GNAQ: variants seen among roughly 807,000 people sequenced by gnomAD.
GNAQ encodes G protein subunit alpha q.
GNAQ carries 8 observed loss-of-function variants against 43.9 expected under a neutral mutation model. The ratio of observed to expected loss-of-function variants is 0.18; its 90% CI spans 0.11 to 0.33. GNAQ has a LOEUF of 0.33. Among genes scored for constraint, GNAQ ranks in the 10% least tolerant of loss-of-function variants. The pLI is 1.00. For synonymous variants in GNAQ, 155 were observed against 170.7 expected (o/e 0.91, Z 0.71); for missense variants, 158 against 450.8 (o/e 0.35, Z 5.88).
chr9:77,943,751 C>T (rs192713331), intron 1 of GNAQ, among the ~76,000 whole-genome samples: 25 of 149,958 alleles, frequency 1.7e-4, no homozygotes, highest in Admixed American at 7.3e-4. Flanking sequence ...GCAACCTCTG[C>T]CTCCTGGGTT....
intron 1 of GNAQ, among the ~76,000 whole-genome samples, chr9:77,987,564 G>A (rs932335814): frequency 6.6e-6 from 1 of 152,132 alleles, no homozygotes; most frequent in African/African-American, 2.4e-5. Flanking sequence ...CTTGATCACA[G>A]CCAGAGTTCT....
intron 4 of GNAQ, among the ~76,000 whole-genome samples, chr9:77,797,079 C>G (rs546120553): frequency 2.6e-5 from 4 of 152,108 alleles, no homozygotes; most frequent in Admixed American, 6.6e-5. Context: ...GTAACCCAGG[C>G]TGGAGTGCAG....
At chr9:77,831,328 TA>T (rs1480788741) in intron 2 of GNAQ, among the ~76,000 whole-genome samples, 20 of 152,188 alleles carry the variant, frequency 1.3e-4, no homozygotes, top group Admixed American at 1.3e-3. Context: ...TGCATGATTT[TA>T]AAAATTAGGA....
At chr9:77,751,459 A>T (rs543808260) in intron 5 of GNAQ, among the ~76,000 whole-genome samples, 2 of 152,226 alleles carry the variant, frequency 1.3e-5, no homozygotes, top group Non-Finnish European at 2.9e-5. Flanking sequence ...TTTTCACGTA[A>T]TAAATTCATA....
At chr9:78,024,769 G>A (rs891907213) in intron 1 of GNAQ, among the ~76,000 whole-genome samples, 1 of 152,052 alleles carries the variant, frequency 6.6e-6, no homozygotes, top group Non-Finnish European at 1.5e-5. Context: ...TTGGCACATA[G>A]TAGGTGCTCA....
intron 1 of GNAQ, among the ~76,000 whole-genome samples, chr9:77,934,619 T>C (rs1036265906): frequency 6.6e-6 from 1 of 152,170 alleles, no homozygotes; most frequent in African/African-American, 2.4e-5. Context: ...GGGCTAATAT[T>C]ATCCCAGTAA....
At chr9:77,934,529 C>A (rs749316582) in intron 1 of GNAQ, among the ~76,000 whole-genome samples, 1 of 151,918 alleles carries the variant, frequency 6.6e-6, no homozygotes, top group Non-Finnish European at 1.5e-5. Context: ...CCAAGTACTG[C>A]CCCAGTTAAG....
chr9:77,879,473 C>G (rs1828178006), intron 2 of GNAQ, among the ~76,000 whole-genome samples: 3 of 152,154 alleles, frequency 2.0e-5, no homozygotes, highest in African/African-American at 7.2e-5. Flanking sequence ...TGGCCTCAAA[C>G]TCCTGACCTC....
chr9:77,766,301 C>T (rs1028563092), intron 5 of GNAQ, among the ~76,000 whole-genome samples: 3 of 152,150 alleles, frequency 2.0e-5, no homozygotes, highest in South Asian at 2.1e-4. Flanking sequence ...TTTGTTTCAT[C>T]AACATTCTGT....
intron 1 of GNAQ, among the ~76,000 whole-genome samples, chr9:77,960,065 T>G (rs1823089029): frequency 6.6e-6 from 1 of 152,216 alleles, no homozygotes; most frequent in Non-Finnish European, 1.5e-5. Flanking sequence ...ATAATTCTCT[T>G]TAACCAAGAG....
At chr9:77,926,300 T>G (rs1249601006) in intron 1 of GNAQ, among the ~76,000 whole-genome samples, 1 of 152,090 alleles carries the variant, frequency 6.6e-6, no homozygotes, top group Non-Finnish European at 1.5e-5. Context: ...TATGAAAAAT[T>G]TTGGTATAAT....
At chr9:77,760,462 G>A (rs1401804650) in intron 5 of GNAQ, among the ~76,000 whole-genome samples, 1 of 152,064 alleles carries the variant, frequency 6.6e-6, no homozygotes, top group Non-Finnish European at 1.5e-5. Flanking sequence ...GCCAGCCTCG[G>A]CCTCTGGAGG....
chr9:77,774,637 A>AT (rs1052565759), intron 5 of GNAQ, among the ~76,000 whole-genome samples: 9 of 152,072 alleles, frequency 5.9e-5, no homozygotes, highest in Admixed American at 2.6e-4. Context: ...ATTTCTTTAT[A>AT]TTTTTTGTAG....
At chr9:77,792,893 G>T (rs1447800300) in intron 5 of GNAQ, among the ~76,000 whole-genome samples, 1 of 152,016 alleles carries the variant, frequency 6.6e-6, no homozygotes, top group Non-Finnish European at 1.5e-5. Context: ...TCCCCCTATG[G>T]CTTATTCTGA....
At chr9:77,870,898 T>C (rs900777468) in intron 2 of GNAQ, among the ~76,000 whole-genome samples, 1 of 152,130 alleles carries the variant, frequency 6.6e-6, no homozygotes, top group Non-Finnish European at 1.5e-5. Context: ...TCCATTCCTA[T>C]GGAATTTGAC....
At chr9:77,847,191 G>A (rs902322961) in intron 2 of GNAQ, among the ~76,000 whole-genome samples, 1 of 152,094 alleles carries the variant, frequency 6.6e-6, no homozygotes, top group African/African-American at 2.4e-5. Context: ...AACATCTCTC[G>A]CTCAGCCTTG....
intron 2 of GNAQ, among the ~76,000 whole-genome samples, chr9:77,918,474 T>G (rs968671519): frequency 6.8e-6 from 1 of 146,870 alleles, no homozygotes; most frequent in East Asian, 3.8e-4. Flanking sequence ...TATTTATAAA[T>G]TATAAAGTAT....
chr9:77,810,148 T>A (rs1279596728), intron 3 of GNAQ, among the ~76,000 whole-genome samples: 1 of 152,202 alleles, frequency 6.6e-6, no homozygotes, highest in Non-Finnish European at 1.5e-5. Context: ...CATAGGTATT[T>A]ATCTACTGAT....
At chr9:77,848,649 G>T (rs1273440136) in intron 2 of GNAQ, among the ~76,000 whole-genome samples, 1 of 152,218 alleles carries the variant, frequency 6.6e-6, no homozygotes, top group Non-Finnish European at 1.5e-5. Context: ...TTAGTGTGGT[G>T]GGAATAAGGA....
Sources: gnomAD v4.1 joint callset for allele counts (sites outside exome capture counted in the v4.1 genomes callset) on GRCh38, gnomAD v4.1.1 for gene constraint, MANE v1.5 for transcripts, NCBI Gene and HGNC (gene_info 2026-07-23, HGNC 2026-07-21) for gene names.